The following SCAPER variants were observed in gnomAD, a reference collection of about 807,000 sequenced individuals.
The protein encoded by SCAPER is S-phase cyclin A associated protein in the ER.
Under a neutral mutation model 182.2 loss-of-function variants are expected in SCAPER, and 98 were observed. The ratio of observed to expected loss-of-function variants is 0.54; its 90% confidence interval spans 0.46 to 0.64. The LOEUF (loss-of-function observed/expected upper bound fraction) is 0.64. Ranked by LOEUF, SCAPER falls within the 30% of genes least tolerant of loss-of-function variation. The pLI, the probability that SCAPER is intolerant of heterozygous loss-of-function variation, is 0.00. For missense variants in SCAPER, 1,432 were observed against 1,690.0 expected (o/e 0.85, Z 2.68); for synonymous variants, 605 against 564.6 (o/e 1.07, Z -1.01).
chr15:76,570,964 C>T (rs2047393681), intron 23 of SCAPER, among the ~76,000 whole-genome samples: 1 of 151,998 alleles, frequency 6.6e-6, no homozygotes, highest in Admixed American at 6.6e-5. Context: ...CTTCATAGTC[C>T]TGAGGGTGGG....
chr15:76,453,291 T>A (rs1049825553), intron 25 of SCAPER, among the ~76,000 whole-genome samples: 1 of 152,212 alleles, frequency 6.6e-6, no homozygotes, highest in Non-Finnish European at 1.5e-5. Context: ...CATCTAAACC[T>A]CAGAGCCCAT....
intron 2 of SCAPER, among the ~76,000 whole-genome samples, chr15:76,863,208 A>G (rs1187757345): frequency 2.0e-5 from 3 of 152,198 alleles, no homozygotes; most frequent in Non-Finnish European, 4.4e-5. Context: ...TTGCCTCCCC[A>G]CTAATGAATG....
intron 23 of SCAPER, 60 bp downstream of exon 23, chr15:76,574,098 T>G (rs2047647059): frequency 6.5e-7 from 1 of 1,532,850 alleles, no homozygotes; most frequent in Non-Finnish European, 8.8e-7. Flanking sequence ...CTCTATGTAC[T>G]GTCATAGTGA....
In SCAPER at chr15:76,348,696, G is replaced by C. The variant is rs763701913; in HGVS notation, c.4140C>G (p.Asn1380Lys). The C allele has an allele frequency of 1.2e-5, 19 of 1,558,192 alleles. No individual in the cohort carries two copies. In the South Asian group the frequency reaches 2.3e-4, roughly 19 times the overall value. ...LGSQDYLELANRFPQQAWEEA... is the reference protein window; with the variant it reads ...LGSQDYLELAKRFPQQAWEEA... ...CTTCCCAGGCCTGCTGAGGAAATCT[G>C]TTAGCCAGCTCAAGATAGTCTTGGG... The change falls in exon 32 of 32, where the codon AAC becomes AAG. Residue 1380 changes from asparagine (N) to lysine (K), a missense_variant. Physicochemically the swap from Asn to Lys is moderately conservative, Grantham distance 94. Around this residue, in one of 5 missense-constraint regions of SCAPER, gnomAD observed 718 missense variants for 799.7 expected, o/e 0.90. Transcript: ENST00000563290.
At chr15:76,755,036 T>C (rs1266256637) in intron 14 of SCAPER, among the ~76,000 whole-genome samples, 1 of 152,040 alleles carries the variant, frequency 6.6e-6, no homozygotes, top group Non-Finnish European at 1.5e-5. Context: ...GATGAGAAAA[T>C]AACCAGAAAA....
intron 21 of SCAPER, among the ~76,000 whole-genome samples, chr15:76,623,665 T>C (rs2052309794): frequency 6.6e-6 from 1 of 152,236 alleles, no homozygotes; most frequent in Non-Finnish European, 1.5e-5. Flanking sequence ...TAGTATAGTT[T>C]GAAATTGGGT....
intron 21 of SCAPER, among the ~76,000 whole-genome samples, chr15:76,643,742 C>T (rs1056122845): frequency 7.2e-5 from 11 of 152,058 alleles, no homozygotes; most frequent in Non-Finnish European, 1.5e-4. Flanking sequence ...ATTTGTAACA[C>T]GAGGGAATAA....
At position 76,652,239 on chromosome 15, in the gene SCAPER, G is replaced by A. The variant is rs554112148; in HGVS notation, c.2645+13414C>T. ...TCGAGACCAGCCTGGCCAACATGGCGAACGCTGTGTCTCTGCTAAAAAAAA... is the reference window on the plus strand; with the variant it reads ...TCGAGACCAGCCTGGCCAACATGGCAAACGCTGTGTCTCTGCTAAAAAAAA... On this transcript the variant is annotated intron_variant, in intron 21 of 31. Coordinates refer to ENST00000563290, the MANE Select transcript of SCAPER (RefSeq NM_020843.4). Among the ~76,000 whole-genome samples the A allele has an allele frequency of 1.3e-4, 13 of 102,604 alleles. 1 individual carries two copies. Among genetic ancestry groups the A allele is most frequent in the African/African-American group, 4.7e-4 (12 of 25,548 alleles). The allele number at this position is 102,604 out of a possible 152,430, so 67.3% of individuals were successfully genotyped here. A position where few individuals can be genotyped will look rare whatever the true frequency, so the allele number is the denominator to read the frequency against.
intron 23 of SCAPER, among the ~76,000 whole-genome samples, chr15:76,524,397 G>GT (rs1344764063): frequency 3.3e-5 from 5 of 152,034 alleles, no homozygotes; most frequent in Non-Finnish European, 5.9e-5. Context: ...CAGACAAAGT[G>GT]TTTCAGAGTT....
intron 23 of SCAPER, among the ~76,000 whole-genome samples, chr15:76,518,312 G>A (rs939546070): frequency 1.3e-5 from 2 of 152,176 alleles, no homozygotes; most frequent in African/African-American, 4.8e-5. Flanking sequence ...CTTCAGCAGA[G>A]ATACTGCTTC....
chr15:76,619,587 CT>C (rs950593180), intron 22 of SCAPER, among the ~76,000 whole-genome samples: 10 of 151,880 alleles, frequency 6.6e-5, no homozygotes, highest in East Asian at 1.9e-4. Context: ...TTTTTTCTTT[CT>C]TTTTTTTATT....
chr15:76,374,084 A>G (rs987676857), intron 29 of SCAPER, among the ~76,000 whole-genome samples: 1 of 88,054 alleles, frequency 1.1e-5, no homozygotes, highest in East Asian at 3.1e-4. Flanking sequence ...TAAAAATTAG[A>G]AAGTTTAATC....
chr15:76,609,871 T>A (rs1248013727), intron 22 of SCAPER, among the ~76,000 whole-genome samples: 1 of 152,178 alleles, frequency 6.6e-6, no homozygotes, highest in African/African-American at 2.4e-5. Context: ...CTTTAACCAG[T>A]ACTTCTTTTT....
chr15:76,682,989 A>G (rs1242112858), intron 20 of SCAPER, among the ~76,000 whole-genome samples: 1 of 152,182 alleles, frequency 6.6e-6, no homozygotes, highest in African/African-American at 2.4e-5. Flanking sequence ...CAACTCAAAA[A>G]GCCAGAATGT....
chr15:76,786,034 A>G lies in SCAPER; in HGVS notation c.772+9246T>C, dbSNP rs114772039. ...AGAACTAAAAGTATAATAATATTTAAAAAAAATCAATGGGCTGAGTACGGT... is the reference window on the plus strand; with the variant it reads ...AGAACTAAAAGTATAATAATATTTAGAAAAAATCAATGGGCTGAGTACGGT... On this transcript the variant is annotated intron_variant, in intron 8 of 31. Transcript: ENST00000563290. 5.7e-3 allele frequency among the ~76,000 whole-genome samples: 864 copies of G among 152,192 alleles called. 8 individuals are homozygous for G. Among genetic ancestry groups the G allele is most frequent in the African/African-American group, 0.02 (835 of 41,520 alleles).
chr15:76,392,249 A>G (rs2043746991), intron 27 of SCAPER, among the ~76,000 whole-genome samples: 1 of 152,180 alleles, frequency 6.6e-6, no homozygotes, highest in Non-Finnish European at 1.5e-5. Context: ...TAACATATAT[A>G]TACTTCTATA....
At chr15:76,521,244 T>C (rs1275481271) in intron 23 of SCAPER, among the ~76,000 whole-genome samples, 3 of 152,168 alleles carry the variant, frequency 2.0e-5, no homozygotes, top group Non-Finnish European at 2.9e-5. Flanking sequence ...GTATACTTAC[T>C]AGCTTTTTAT....
At chr15:76,385,336 C>A (rs1370564217) in intron 27 of SCAPER, 1 of 152,182 alleles carries the variant, frequency 6.6e-6, no homozygotes, top group Admixed American at 6.6e-5. Flanking sequence ...GTTTGTTTGC[C>A]CTGATTTCCA....
intron 20 of SCAPER, among the ~76,000 whole-genome samples, chr15:76,672,677 G>GT (rs1266600120): frequency 1.3e-5 from 2 of 152,034 alleles, no homozygotes; most frequent in African/African-American, 4.8e-5. Context: ...TGATTTCAAA[G>GT]TAAGTGGAAA....
Sources: allele counts gnomAD v4.1 joint callset (sites outside exome capture counted in the v4.1 genomes callset), GRCh38; gene constraint gnomAD v4.1.1; regional missense constraint gnomAD v4.1.1; transcripts MANE v1.5; gene names NCBI Gene and HGNC (gene_info 2026-07-23, HGNC 2026-07-21).